The following APBB2 variants were observed in gnomAD, a reference collection of about 807,000 sequenced individuals.
The protein encoded by APBB2 is Fe65-like 1.
Under a neutral mutation model 82.5 loss-of-function variants are expected in APBB2, and 38 were observed. That is an observed-to-expected ratio of 0.46 (90% CI 0.36 to 0.60). The LOEUF is 0.60. Among genes scored for constraint, APBB2 ranks in the 20% least tolerant of loss-of-function variants. The pLI, the probability that APBB2 is intolerant of heterozygous loss-of-function variation, is 0.00. For missense variants in APBB2, 772 were observed against 972.3 expected (o/e 0.79, Z 2.74); for synonymous variants, 341 against 368.2 (o/e 0.93, Z 0.85).
rs10002953 is a variant in APBB2 at position 41,007,330 on chromosome 4, T to C, written c.835+6253A>G. Reference sequence around the variant, plus strand: ...CGGCACTCACTAGATGCTGGTGTTATGCTCTTGGACTTCCCAGCCTCCAGA... The same window carrying C: ...CGGCACTCACTAGATGCTGGTGTTACGCTCTTGGACTTCCCAGCCTCCAGA... On this transcript the variant is annotated intron_variant, in intron 6 of 17. Coordinates refer to ENST00000508593, the MANE Select transcript of APBB2 (RefSeq NM_004307.2). 2.8e-3 allele frequency among the ~76,000 whole-genome samples: 421 copies of C among 152,006 alleles called. 2 individuals are homozygous for C. The highest frequency in any genetic ancestry group is 7.5e-3 in the African/African-American group (309 of 41,440).
intron 10 of APBB2, among the ~76,000 whole-genome samples, chr4:40,895,268 G>A (rs1319355235): frequency 7.9e-5 from 12 of 152,244 alleles, no homozygotes. Context: ...GAGGAGAAGT[G>A]TGACCACCTC....
At chr4:40,865,375 AAACC>A (rs1763804727) in intron 12 of APBB2, among the ~76,000 whole-genome samples, 1 of 152,236 alleles carries the variant, frequency 6.6e-6, no homozygotes, top group Admixed American at 6.5e-5. Context: ...AACAGATACT[AAACC>A]CATGGCTGGG....
At chr4:41,144,598 G>A (rs1760171217) in intron 1 of APBB2, among the ~76,000 whole-genome samples, 1 of 152,206 alleles carries the variant, frequency 6.6e-6, no homozygotes, top group African/African-American at 2.4e-5. Context: ...TCTGAACAGA[G>A]CTAACAAATG....
chr4:41,057,946 G>A (rs962381949), intron 4 of APBB2, among the ~76,000 whole-genome samples: 1 of 152,158 alleles, frequency 6.6e-6, no homozygotes, highest in South Asian at 2.1e-4. Context: ...GGCAAAGCCT[G>A]TCCTCTCACA....
At position 40,813,946 on chromosome 4, in the gene APBB2, AT is replaced by A. The variant is rs1448416218; in HGVS notation, c.*2145del. 1 of 152,220 alleles carries A rather than the reference AT, an allele frequency of 6.6e-6. No homozygotes were observed. The highest frequency in any genetic ancestry group is 1.5e-5 in the Non-Finnish European group (1 of 68,038). 9.4% of individuals were successfully genotyped at this position (152,220 alleles called of 1,614,324 possible). On this transcript the variant is annotated 3_prime_UTR_variant, in exon 18 of 18. Coordinates refer to ENST00000508593, the MANE Select transcript of APBB2 (RefSeq NM_004307.2). ...GTTACTTCAGATCAGTAGTATGTCAATTGGTGAAAAACAGACTGCGTTTCTA... is the reference window on the plus strand; with the variant it reads ...GTTACTTCAGATCAGTAGTATGTCAATGGTGAAAAACAGACTGCGTTTCTA...
At chr4:40,982,313 A>G (rs202164092) in intron 6 of APBB2, among the ~76,000 whole-genome samples, 2,745 of 29,948 alleles carry the variant, frequency 0.092, 604 homozygotes, top group East Asian at 0.21. Context: ...AAGGAAAGAA[A>G]GAAAGAAAGA....
chr4:41,031,393 T>TG (rs1716738771), intron 5 of APBB2, among the ~76,000 whole-genome samples: 1 of 152,086 alleles, frequency 6.6e-6, no homozygotes, highest in African/African-American at 2.4e-5. Flanking sequence ...AATTTTCAAG[T>TG]GAAAAAAATG....
intron 1 of APBB2, among the ~76,000 whole-genome samples, chr4:41,156,773 A>T (rs1415506039): frequency 6.6e-6 from 1 of 152,124 alleles, no homozygotes; most frequent in Non-Finnish European, 1.5e-5. Context: ...TCCTCTATAA[A>T]ACAAGAATCA....
intron 17 of APBB2, among the ~76,000 whole-genome samples, chr4:40,820,207 C>G (rs1435581711): frequency 6.6e-6 from 1 of 152,220 alleles, no homozygotes; most frequent in African/African-American, 2.4e-5. Flanking sequence ...TTCTCAAAGC[C>G]TCTGCTCCTG....
At chr4:41,030,710 A>G (rs1361083507) in intron 5 of APBB2, among the ~76,000 whole-genome samples, 1 of 152,182 alleles carries the variant, frequency 6.6e-6, no homozygotes, top group African/African-American at 2.4e-5. Flanking sequence ...AGGTGAAAAA[A>G]AAGTAGGTGA....
chr4:41,152,479 A>G (rs1762512182), intron 1 of APBB2, among the ~76,000 whole-genome samples: 2 of 151,390 alleles, frequency 1.3e-5, no homozygotes, highest in Non-Finnish European at 3.0e-5. Context: ...CCCACCACCA[A>G]CCATGTCCGG....
At chr4:40,876,980 T>C (rs1366088865) in intron 12 of APBB2, among the ~76,000 whole-genome samples, 9 of 152,218 alleles carry the variant, frequency 5.9e-5, no homozygotes. Flanking sequence ...GGAGGTAGAC[T>C]CTTTAGGGCT....
rs1490534467 is a variant in APBB2 at position 41,111,158 on chromosome 4, C to CAGT, written c.-260-10411_-260-10409dup. On this transcript the variant is annotated intron_variant, in intron 2 of 17. Transcript: ENST00000508593. Reference sequence around the variant, plus strand: ...GATCTGACAGGAGGCGGAGCTCAGGCAGTAATGCAAGAGATAAGGAGCAGC... The same window carrying CAGT: ...GATCTGACAGGAGGCGGAGCTCAGGCAGTAGTAATGCAAGAGATAAGGAGCAGC... Among the ~76,000 whole-genome samples the CAGT allele has an allele frequency of 1.2e-4, 18 of 152,252 alleles. 1 individual carries two copies. In the East Asian group the frequency reaches 2.9e-3, roughly 24 times the overall value.
intron 1 of APBB2, among the ~76,000 whole-genome samples, chr4:41,194,489 C>T: frequency 6.6e-6 from 1 of 152,170 alleles, no homozygotes; most frequent in Admixed American, 6.5e-5. Context: ...TTGAGACCAG[C>T]TTGGGCAAGA....
intron 2 of APBB2, among the ~76,000 whole-genome samples, chr4:41,141,676 A>C (rs898607367): frequency 2.6e-5 from 4 of 152,212 alleles, no homozygotes; most frequent in Admixed American, 1.3e-4. Context: ...TAATGGACTT[A>C]AGTTCCATGT....
At chr4:40,908,055 GGTGT>G (rs1362448597) in intron 10 of APBB2, among the ~76,000 whole-genome samples, 1 of 151,246 alleles carries the variant, frequency 6.6e-6, no homozygotes, top group Non-Finnish European at 1.5e-5. Flanking sequence ...GGGTGTGTGT[GGTGT>G]GTGTGTGGCA....
intron 4 of APBB2, among the ~76,000 whole-genome samples, chr4:41,036,741 A>T (rs1719338859): frequency 6.6e-6 from 1 of 152,222 alleles, no homozygotes; most frequent in Non-Finnish European, 1.5e-5. Context: ...GTAGATAAAC[A>T]TTTATTAAAC....
intron 5 of APBB2, among the ~76,000 whole-genome samples, chr4:41,015,226 A>G (rs1317397061): frequency 6.6e-6 from 1 of 152,208 alleles, no homozygotes; most frequent in Non-Finnish European, 1.5e-5. Context: ...TATCTCAAAT[A>G]TTGTTTGCGC....
intron 10 of APBB2, among the ~76,000 whole-genome samples, chr4:40,903,135 C>T (rs1029981467): frequency 8.6e-5 from 13 of 151,886 alleles, no homozygotes; most frequent in African/African-American, 7.2e-5. Flanking sequence ...GGTGACAGAG[C>T]GATACTCCAT....
Sources: gnomAD v4.1 joint callset for allele counts (sites outside exome capture counted in the v4.1 genomes callset) on GRCh38, gnomAD v4.1.1 for gene constraint, MANE v1.5 for transcripts, NCBI Gene and HGNC (gene_info 2026-07-23, HGNC 2026-07-21) for gene names.